The following ERC1 variants were observed in gnomAD, a reference collection of about 807,000 sequenced individuals.
ERC1 encodes RAB6 interacting protein 2.
A neutral mutation model predicts 132.0 loss-of-function variants in ERC1; 56 were observed. The observed-to-expected ratio is 0.42, with a 90% CI of 0.34 to 0.53. The LOEUF is 0.53. Ranked by LOEUF, ERC1 falls within the 20% of genes least tolerant of loss-of-function variation. The probability of loss-of-function intolerance (pLI) is 0.03; values close to 1 mark genes in which losing one functional copy is unlikely to be tolerated. For synonymous variants in ERC1, 478 were observed against 476.1 expected (o/e 1.00, Z -0.05); for missense variants, 1,202 against 1,349.9 (o/e 0.89, Z 1.72).
At position 1,480,092 on chromosome 12, in the gene ERC1, CTT is replaced by C. The variant is rs59619383; in HGVS notation, c.3214-9987_3214-9986del. On this transcript the variant is annotated intron_variant, in intron 18 of 18. Coordinates refer to ENST00000360905, the MANE Select transcript of ERC1 (RefSeq NM_178040.4). ...TAAAGTAAGGTTTGGTGGAAAGGGG[CTT>C]TTTTTTTTTTTTTAAATAAAATCTT... Among the ~76,000 whole-genome samples the C allele has an allele frequency of 1.6e-3, 225 of 138,232 alleles. 1 individual carries two copies. Among genetic ancestry groups the C allele is most frequent in the Middle Eastern group, 3.7e-3 (1 of 268 alleles). The allele number at this position is 138,232 out of a possible 152,430, so 90.7% of individuals were successfully genotyped here. A position where few individuals can be genotyped will look rare whatever the true frequency, so the allele number is the denominator to read the frequency against.
intron 7 of ERC1, among the ~76,000 whole-genome samples, chr12:1,129,330 A>G (rs1194781141): frequency 8.0e-4 from 2 of 2,512 alleles, no homozygotes; most frequent in African/African-American, 9.0e-4. Context: ...CAACAAAACT[A>G]ACAACAACAA....
At chr12:1,199,504 T>G (rs1448697712) in intron 12 of ERC1, among the ~76,000 whole-genome samples, 1 of 152,102 alleles carries the variant, frequency 6.6e-6, no homozygotes, top group Non-Finnish European at 1.5e-5. Flanking sequence ...GGCACGGTGG[T>G]TCACGCCTGT....
chr12:1,107,740 T>G lies in ERC1; in HGVS notation c.1162-2452T>G, dbSNP rs866788108. Among the ~76,000 whole-genome samples the G allele has an allele frequency of 2.8e-4, 43 of 151,296 alleles. No homozygotes were observed. In the Middle Eastern group the frequency reaches 9.6e-3, roughly 34 times the overall value. ...CCCTGGATGGCAGCAATGGGGAGGG[T>G]AGGGTGAAAAGGAGTATGAGCTTTC... On this transcript the variant is annotated intron_variant, in intron 4 of 18. Transcript: ENST00000360905.
intron 18 of ERC1, among the ~76,000 whole-genome samples, chr12:1,469,632 G>T (rs1328892536): frequency 2.0e-5 from 3 of 152,210 alleles, no homozygotes; most frequent in Non-Finnish European, 2.9e-5. Flanking sequence ...CAAGTATGGA[G>T]AGCCTTAAGC....
At chr12:1,418,875 G>A (rs1467023682) in intron 17 of ERC1, among the ~76,000 whole-genome samples, 3 of 151,618 alleles carry the variant, frequency 2.0e-5, no homozygotes, top group Non-Finnish European at 4.4e-5. Context: ...ACCATGCCCT[G>A]CTAAATTTTG....
intron 12 of ERC1, among the ~76,000 whole-genome samples, chr12:1,193,136 T>C (rs1006497774): frequency 6.6e-6 from 1 of 152,154 alleles, no homozygotes; most frequent in Non-Finnish European, 1.5e-5. Flanking sequence ...ATGGTTCAGA[T>C]TGTATTATGA....
At chr12:1,099,441 C>CT (rs139120582) in intron 3 of ERC1, among the ~76,000 whole-genome samples, 11,455 of 152,196 alleles carry the variant, frequency 0.075, 537 homozygotes, top group Middle Eastern at 0.12. Context: ...TTTGCCCACT[C>CT]TAACTCCTGT....
At chr12:1,117,290 G>A (rs1946558470) in intron 7 of ERC1, among the ~76,000 whole-genome samples, 1 of 152,114 alleles carries the variant, frequency 6.6e-6, no homozygotes, top group Non-Finnish European at 1.5e-5. Flanking sequence ...CTTCCAATAA[G>A]GAAGAATGAA....
intron 1 of ERC1, among the ~76,000 whole-genome samples, chr12:1,023,209 A>G (rs563419834): frequency 5.3e-5 from 8 of 152,290 alleles, no homozygotes; most frequent in African/African-American, 1.7e-4. Flanking sequence ...GATGGCATAA[A>G]CCAAGGTAAT....
intron 1 of ERC1, among the ~76,000 whole-genome samples, chr12:1,005,849 T>A (rs1206866990): frequency 6.6e-6 from 1 of 152,150 alleles, no homozygotes; most frequent in African/African-American, 2.4e-5. Flanking sequence ...CAATCAGGAT[T>A]TCCTTCCAAA....
intron 13 of ERC1, among the ~76,000 whole-genome samples, 178 bp from the exon 14 acceptor site, chr12:1,262,856 G>C (rs2077228995): frequency 6.8e-6 from 1 of 147,078 alleles, no homozygotes; most frequent in African/African-American, 2.7e-5. Flanking sequence ...TACTTCTTCA[G>C]CCTCCTTCTT....
intron 8 of ERC1, among the ~76,000 whole-genome samples, chr12:1,160,153 A>G (rs1951756022): frequency 6.6e-6 from 1 of 152,122 alleles, no homozygotes; most frequent in African/African-American, 2.4e-5. Flanking sequence ...CCTTGATTTG[A>G]TTGAAGGATT....
intron 15 of ERC1, among the ~76,000 whole-genome samples, chr12:1,297,727 A>AC (rs2080076892): frequency 6.6e-6 from 1 of 151,614 alleles, no homozygotes; most frequent in Non-Finnish European, 1.5e-5. Context: ...AAAAAAAAAA[A>AC]AACACAGACA....
chr12:1,109,181 A>G (rs1451358780), intron 4 of ERC1, among the ~76,000 whole-genome samples: 2 of 152,230 alleles, frequency 1.3e-5, no homozygotes, highest in Admixed American at 6.5e-5. Flanking sequence ...GGGAGAAACT[A>G]GGTACTGCGA....
At chr12:1,469,803 A>G (rs1199163879) in intron 18 of ERC1, among the ~76,000 whole-genome samples, 1 of 152,168 alleles carries the variant, frequency 6.6e-6, no homozygotes, top group Non-Finnish European at 1.5e-5. Context: ...AATCACATAA[A>G]GTACTGTTTT....
At chr12:1,327,445 T>G (rs1187591816) in intron 15 of ERC1, among the ~76,000 whole-genome samples, 2 of 152,162 alleles carry the variant, frequency 1.3e-5, no homozygotes, top group African/African-American at 4.8e-5. Flanking sequence ...CCCAAATAAA[T>G]TTTTCTGTGG....
intron 14 of ERC1, among the ~76,000 whole-genome samples, chr12:1,289,213 C>A (rs2079258640): frequency 6.9e-6 from 1 of 144,102 alleles, no homozygotes; most frequent in African/African-American, 2.6e-5. Flanking sequence ...ATATACACTG[C>A]CTATGTAGTA....
intron 17 of ERC1, among the ~76,000 whole-genome samples, chr12:1,438,410 A>C (rs1020800178): frequency 2.6e-5 from 4 of 152,232 alleles, no homozygotes; most frequent in Non-Finnish European, 4.4e-5. Flanking sequence ...AATGTAGTCT[A>C]TGTTGAGAGA....
chr12:1,267,258 A>G (rs1361041421), intron 14 of ERC1, among the ~76,000 whole-genome samples: 1 of 152,194 alleles, frequency 6.6e-6, no homozygotes, highest in Admixed American at 6.5e-5. Flanking sequence ...GTCCCTTTCC[A>G]CGTGGGGATT....
Sources: gnomAD v4.1 joint callset for allele counts (sites outside exome capture counted in the v4.1 genomes callset) on GRCh38, gnomAD v4.1.1 for gene constraint, MANE v1.5 for transcripts, NCBI Gene and HGNC (gene_info 2026-07-23, HGNC 2026-07-21) for gene names.